RBFOX1: variants seen among roughly 807,000 people sequenced by gnomAD.
RBFOX1 encodes RNA binding protein fox-1 homolog 1.
In RBFOX1, 8 loss-of-function variants were observed where a neutral mutation model predicts 57.7. The ratio of observed to expected loss-of-function variants is 0.14; its 90% CI spans 0.08 to 0.25. The LOEUF (loss-of-function observed/expected upper bound fraction) is 0.25. Among genes scored for constraint, RBFOX1 ranks in the 10% least tolerant of loss-of-function variants. The pLI is 1.00. For synonymous variants in RBFOX1, 326 were observed against 222.4 expected (o/e 1.47, Z -4.15); for missense variants, 611 against 548.5 (o/e 1.11, Z -1.14).
intron 2 of RBFOX1, among the ~76,000 whole-genome samples, chr16:6,368,332 G>T (rs1482741011): frequency 6.6e-6 from 1 of 152,304 alleles, no homozygotes; most frequent in East Asian, 1.9e-4. Flanking sequence ...TCTTCAGTCT[G>T]CAAGGGCAGA....
At chr16:7,531,256 A>G (rs1479470519) in intron 5 of RBFOX1, among the ~76,000 whole-genome samples, 2 of 152,244 alleles carry the variant, frequency 1.3e-5, no homozygotes, top group Non-Finnish European at 2.9e-5. Context: ...AACATCAAAT[A>G]GAAACTTCTT....
intron 3 of RBFOX1, among the ~76,000 whole-genome samples, chr16:7,030,415 A>G (rs1218040771): frequency 2.0e-5 from 3 of 152,180 alleles, no homozygotes; most frequent in African/African-American, 7.2e-5. Flanking sequence ...TGGAGGCCAC[A>G]AGTCTGAAAT....
chr16:7,459,837 T>C (rs763215189), intron 4 of RBFOX1, among the ~76,000 whole-genome samples: 7 of 152,192 alleles, frequency 4.6e-5, no homozygotes, highest in Non-Finnish European at 8.8e-5. Flanking sequence ...CCACCATACA[T>C]ACACATTTAT....
At chr16:7,680,124 G>A (rs993932510) in intron 14 of RBFOX1, among the ~76,000 whole-genome samples, 1 of 152,124 alleles carries the variant, frequency 6.6e-6, no homozygotes, top group Non-Finnish European at 1.5e-5. Context: ...TCTGTGATAC[G>A]TTCTGGATTG....
intron 3 of RBFOX1, among the ~76,000 whole-genome samples, chr16:5,736,358 T>C (rs959901329): frequency 6.6e-6 from 1 of 152,138 alleles, no homozygotes; most frequent in African/African-American, 2.4e-5. Flanking sequence ...CCTCCCATCT[T>C]TTTTACTTTC....
chr16:7,535,572 G>A (rs1384071546), intron 5 of RBFOX1, among the ~76,000 whole-genome samples: 1 of 152,206 alleles, frequency 6.6e-6, no homozygotes, highest in African/African-American at 2.4e-5. Context: ...CTTTGCTGGA[G>A]AGTCTATCAG....
chr16:7,193,193 G>C (rs999631708), intron 4 of RBFOX1, among the ~76,000 whole-genome samples: 2 of 152,328 alleles, frequency 1.3e-5, no homozygotes, highest in Admixed American at 6.5e-5. Flanking sequence ...TATAAGTGAA[G>C]AGGGAGGCAG....
chr16:5,726,289 G>C (rs2052149168), intron 3 of RBFOX1, among the ~76,000 whole-genome samples: 2 of 151,760 alleles, frequency 1.3e-5, no homozygotes, highest in Non-Finnish European at 1.5e-5. Flanking sequence ...GATGTATTCA[G>C]ATAATTCAGC....
rs909234773 is a variant in RBFOX1 at position 7,085,439 on chromosome 16, A to G, written c.27+33341A>G. Among the ~76,000 whole-genome samples the G allele has an allele frequency of 5.9e-5, 9 of 152,330 alleles. No homozygotes were observed. In the East Asian group the frequency reaches 1.5e-3, roughly 26 times the overall value. On this transcript the variant is annotated intron_variant, in intron 4 of 15. Transcript: ENST00000550418. Reference sequence around the variant, plus strand: ...CAAATAAGTTATGTTTCAAAAAAGTATCGATATATTGGCCAAATGAACTGC... The same window carrying G: ...CAAATAAGTTATGTTTCAAAAAAGTGTCGATATATTGGCCAAATGAACTGC...
chr16:7,310,169 A>C (rs1457972783), intron 4 of RBFOX1, among the ~76,000 whole-genome samples: 1 of 152,176 alleles, frequency 6.6e-6, no homozygotes, highest in Non-Finnish European at 1.5e-5. Context: ...GAGCTAGCCA[A>C]ATGAGCAATG....
intron 4 of RBFOX1, among the ~76,000 whole-genome samples, chr16:7,202,174 A>G (rs377003961): frequency 6.2e-4 from 94 of 152,288 alleles, no homozygotes; most frequent in African/African-American, 2.2e-3. Context: ...CATTTCTTCA[A>G]AGAACATAAA....
At chr16:6,723,689 A>C (rs565248801) in intron 3 of RBFOX1, 1 of 152,290 alleles carries the variant, frequency 6.6e-6, no homozygotes, top group East Asian at 1.9e-4. Context: ...CTGATTTTGA[A>C]AACAAGGAAT....
chr16:6,232,225 T>C (rs2097467689), intron 1 of RBFOX1, among the ~76,000 whole-genome samples: 2 of 152,202 alleles, frequency 1.3e-5, no homozygotes, highest in South Asian at 2.1e-4. Context: ...GAGGAGAATG[T>C]GGTGTGAGTA....
intron 3 of RBFOX1, among the ~76,000 whole-genome samples, chr16:7,044,892 T>C (rs779738230): frequency 7.9e-5 from 12 of 152,116 alleles, no homozygotes; most frequent in Non-Finnish European, 1.3e-4. Flanking sequence ...ATAATGGTTA[T>C]GGAGAAAATT....
chr16:5,652,777 AC>A (rs1230457110), intron 3 of RBFOX1, among the ~76,000 whole-genome samples: 2 of 152,168 alleles, frequency 1.3e-5, no homozygotes, highest in Admixed American at 6.5e-5. Flanking sequence ...CTGGTTAGTG[AC>A]CCTGGGTGGA....
chr16:7,262,378 C>T (rs1487387501), intron 4 of RBFOX1, among the ~76,000 whole-genome samples: 1 of 151,800 alleles, frequency 6.6e-6, no homozygotes, highest in Non-Finnish European at 1.5e-5. Flanking sequence ...CTTTGTTTTC[C>T]TTTTGCTGGG....
intron 1 of RBFOX1, among the ~76,000 whole-genome samples, chr16:6,224,558 C>A (rs2097401736): frequency 6.6e-6 from 1 of 152,132 alleles, no homozygotes; most frequent in Non-Finnish European, 1.5e-5. Flanking sequence ...AAAGTCACTG[C>A]AGTTGGTGTT....
At chr16:6,496,113 C>A (rs1598239213) in intron 2 of RBFOX1, among the ~76,000 whole-genome samples, 1 of 152,070 alleles carries the variant, frequency 6.6e-6, no homozygotes. Flanking sequence ...TCTGGGGTGT[C>A]TTGTAGAAAA....
intron 2 of RBFOX1, among the ~76,000 whole-genome samples, chr16:6,337,709 A>G (rs1488540196): frequency 6.6e-6 from 1 of 152,220 alleles, no homozygotes; most frequent in Non-Finnish European, 1.5e-5. Context: ...ACTTGGCAAA[A>G]CACATCTTTA....
Sources: allele counts gnomAD v4.1 joint callset (sites outside exome capture counted in the v4.1 genomes callset), GRCh38; gene constraint gnomAD v4.1.1; transcripts MANE v1.5; gene names NCBI Gene and HGNC (gene_info 2026-07-23, HGNC 2026-07-21).